Variants in NAV2 observed in about 807,000 individuals in gnomAD.
NAV2 encodes neuron navigator 2.
Under a neutral mutation model 223.2 loss-of-function variants are expected in NAV2, and 54 were observed. The ratio of observed to expected loss-of-function variants is 0.24; its 90% CI spans 0.19 to 0.30. NAV2 has a LOEUF of 0.30. Ranked by LOEUF, NAV2 falls within the 10% of genes least tolerant of loss-of-function variation. The probability of loss-of-function intolerance (pLI) is 1.00; values close to 1 mark genes in which losing one functional copy is unlikely to be tolerated. For missense variants in NAV2, 2,806 were observed against 3,147.5 expected (o/e 0.89, Z 2.60); for synonymous variants, 1,279 against 1,239.3 (o/e 1.03, Z -0.67).
At chr11:19,747,019 T>A (rs1340200632) in intron 1 of NAV2, among the ~76,000 whole-genome samples, 2 of 37,008 alleles carry the variant, frequency 5.4e-5, no homozygotes, top group Non-Finnish European at 1.8e-4. Flanking sequence ...ATTAGGTATA[T>A]CTCCTAATAT....
chr11:20,018,353 CAA>C (rs34251713), intron 11 of NAV2, among the ~76,000 whole-genome samples: 19 of 87,996 alleles, frequency 2.2e-4, no homozygotes, highest in African/African-American at 7.9e-4. Flanking sequence ...GATTCCATCT[CAA>C]AAAAAAAAAA....
chr11:19,660,088 C>T (rs79488769), intron 1 of NAV2, among the ~76,000 whole-genome samples: 2,074 of 152,264 alleles, frequency 0.014, 50 homozygotes, highest in African/African-American at 0.048. Flanking sequence ...AGGAGTACCC[C>T]AGGCATCCTT....
chr11:19,519,237 AC>A (rs1156676480), intron 1 of NAV2, among the ~76,000 whole-genome samples: 1 of 152,162 alleles, frequency 6.6e-6, no homozygotes, highest in African/African-American at 2.4e-5. Flanking sequence ...ACCACCAAAT[AC>A]CAACTGGGCC....
chr11:19,363,474 C>A lies in NAV2; in HGVS notation c.75+12447C>A, dbSNP rs1381519362. On this transcript the variant is annotated intron_variant, in intron 1 of 37. Transcript: ENST00000360655. ...TAGGTTGAATAGTTTTCCCTGATAT[C>A]CCCCAGCTAATACGTGATGAAACTG... 3.9e-5 allele frequency among the ~76,000 whole-genome samples: 6 copies of A among 152,276 alleles called. No homozygotes were observed. In the East Asian group the frequency reaches 1.2e-3, roughly 29 times the overall value.
At chr11:19,768,456 G>T (rs2055417433) in intron 1 of NAV2, among the ~76,000 whole-genome samples, 1 of 152,120 alleles carries the variant, frequency 6.6e-6, no homozygotes, top group Non-Finnish European at 1.5e-5. Flanking sequence ...TGCCTGAGGA[G>T]CCTTTTCAAG....
chr11:19,513,619 C>A (rs1242649323), intron 1 of NAV2, among the ~76,000 whole-genome samples: 2 of 152,152 alleles, frequency 1.3e-5, no homozygotes, highest in Non-Finnish European at 2.9e-5. Context: ...ATTTTCGTTT[C>A]TTTTGTGGGC....
intron 1 of NAV2, among the ~76,000 whole-genome samples, chr11:19,802,906 A>G (rs1216050300): frequency 6.6e-6 from 1 of 152,158 alleles, no homozygotes; most frequent in African/African-American, 2.4e-5. Flanking sequence ...CCTAACTAGG[A>G]AAAACAGACA....
intron 1 of NAV2, among the ~76,000 whole-genome samples, chr11:19,548,705 A>G (rs2044585363): frequency 7.1e-6 from 1 of 140,202 alleles, no homozygotes; most frequent in Non-Finnish European, 1.6e-5. Flanking sequence ...CGTCTCTACT[A>G]AAGATACAAA....
chr11:19,862,142 G>A (rs1234545034), intron 3 of NAV2, among the ~76,000 whole-genome samples: 2 of 152,232 alleles, frequency 1.3e-5, no homozygotes, highest in Admixed American at 6.5e-5. Flanking sequence ...TTTCTCTAGA[G>A]ATAATTTTTT....
intron 6 of NAV2, among the ~76,000 whole-genome samples, chr11:19,915,770 G>A (rs1034499176): frequency 2.0e-5 from 3 of 152,162 alleles, no homozygotes; most frequent in Non-Finnish European, 4.4e-5. Flanking sequence ...TCATGAGCAG[G>A]TTAGCTCCTT....
intron 26 of NAV2, among the ~76,000 whole-genome samples, chr11:20,085,304 C>T (rs905850932): frequency 1.3e-5 from 2 of 152,134 alleles, no homozygotes; most frequent in Non-Finnish European, 2.9e-5. Context: ...ACTCTGAAGG[C>T]CCCATTCTCA....
intron 11 of NAV2, among the ~76,000 whole-genome samples, chr11:20,021,695 C>T (rs931211864): frequency 6.6e-6 from 1 of 152,184 alleles, no homozygotes; most frequent in Non-Finnish European, 1.5e-5. Flanking sequence ...CCCACCCCCA[C>T]CTCTGCTTCC....
intron 11 of NAV2, among the ~76,000 whole-genome samples, chr11:19,992,544 C>T (rs934045830): frequency 2.0e-5 from 3 of 151,472 alleles, no homozygotes; most frequent in African/African-American, 4.9e-5. Context: ...TAAAAGCAGA[C>T]CTGAGGGTCA....
intron 36 of NAV2, 101 bp downstream of exon 36, chr11:20,107,883 GGGGT>G (rs2062279439): frequency 3.6e-6 from 3 of 825,348 alleles, no homozygotes; most frequent in Non-Finnish European, 6.1e-6. Context: ...TGACTGACAT[GGGGT>G]GACAACCCCT....
upstream of NAV2, among the ~76,000 whole-genome samples, chr11:19,349,755 G>T (rs1371704468): frequency 1.3e-5 from 2 of 152,140 alleles, no homozygotes; most frequent in African/African-American, 4.8e-5. Flanking sequence ...ATTTATGGGA[G>T]GGTGTACCAA....
intron 10 of NAV2, among the ~76,000 whole-genome samples, chr11:19,966,307 C>T (rs2048766349): frequency 6.6e-6 from 1 of 152,182 alleles, no homozygotes; most frequent in Non-Finnish European, 1.5e-5. Context: ...GTGTGATATA[C>T]ACGGCCCTCC....
At chr11:19,648,070 C>G (rs774188162) in intron 1 of NAV2, among the ~76,000 whole-genome samples, 3 of 152,236 alleles carry the variant, frequency 2.0e-5, no homozygotes, top group Middle Eastern at 3.4e-3. Flanking sequence ...AGCTTATACT[C>G]GCACAAGAGC....
At chr11:19,925,128 G>A (rs1157533836) in intron 6 of NAV2, among the ~76,000 whole-genome samples, 4 of 152,016 alleles carry the variant, frequency 2.6e-5, no homozygotes, top group South Asian at 2.1e-4. Flanking sequence ...TTTAAAATCC[G>A]GTTGTTTTTG....
At chr11:19,763,449 T>C (rs1386817870) in intron 1 of NAV2, among the ~76,000 whole-genome samples, 1 of 152,202 alleles carries the variant, frequency 6.6e-6, no homozygotes, top group Non-Finnish European at 1.5e-5. Flanking sequence ...GGAAATGGTG[T>C]AGACCCACGG....
Sources: allele counts gnomAD v4.1 joint callset (sites outside exome capture counted in the v4.1 genomes callset), GRCh38; gene constraint gnomAD v4.1.1; transcripts MANE v1.5; gene names NCBI Gene and HGNC (gene_info 2026-07-23, HGNC 2026-07-21).